Variants in RAB27B observed in about 807,000 individuals in gnomAD.
RAB27B encodes ras-related protein Rab-27B.
In RAB27B, 15 loss-of-function variants were observed where a neutral mutation model predicts 24.6. That is an observed-to-expected ratio of 0.61 (90% CI 0.41 to 0.94). RAB27B has a LOEUF of 0.94. Ranked by LOEUF, RAB27B falls within the 40% of genes least tolerant of loss-of-function variation. RAB27B has a pLI of 0.00. For synonymous variants in RAB27B, 105 were observed against 92.5 expected (o/e 1.14, Z -0.78); for missense variants, 261 against 266.8 (o/e 0.98, Z 0.15).
At chr18:54,790,950 A>G (rs1909228629) in intron 2 of RAB27B, among the ~76,000 whole-genome samples, 2 of 152,208 alleles carry the variant, frequency 1.3e-5, no homozygotes, top group Non-Finnish European at 2.9e-5. Flanking sequence ...TTTTCTAAAT[A>G]CAAATTTCAT....
chr18:54,727,887 T>A (rs1337832311), intron 2 of RAB27B, among the ~76,000 whole-genome samples: 1 of 152,162 alleles, frequency 6.6e-6, no homozygotes, highest in Non-Finnish European at 1.5e-5. Flanking sequence ...TTGCTTCATA[T>A]GTGGAATATT....
At chr18:54,830,329 G>A (rs1444296244) in intron 1 of RAB27B, among the ~76,000 whole-genome samples, 4 of 152,170 alleles carry the variant, frequency 2.6e-5, no homozygotes, top group African/African-American at 9.7e-5. Flanking sequence ...ATAGAAACCT[G>A]CTCTTTTCCC....
At chr18:54,755,572 C>T (rs1243019030) in intron 2 of RAB27B, among the ~76,000 whole-genome samples, 1 of 152,058 alleles carries the variant, frequency 6.6e-6, no homozygotes, top group Admixed American at 6.6e-5. Context: ...GGTGATTTCC[C>T]CTTCCAGGCA....
upstream of RAB27B, among the ~76,000 whole-genome samples, chr18:54,827,353 G>A (rs558365003): frequency 1.3e-3 from 192 of 152,274 alleles, 5 homozygotes; most frequent in South Asian, 0.034. Context: ...ATAACACTAT[G>A]AAGACATTAT....
intron 2 of RAB27B, among the ~76,000 whole-genome samples, chr18:54,747,296 T>C (rs991138523): frequency 6.6e-6 from 1 of 152,172 alleles, no homozygotes; most frequent in East Asian, 1.9e-4. Flanking sequence ...AATGTCTCAC[T>C]CTCCATATTA....
chr18:54,846,310 A>G (rs1166995550), intron 1 of RAB27B, among the ~76,000 whole-genome samples: 2 of 152,236 alleles, frequency 1.3e-5, no homozygotes, highest in African/African-American at 2.4e-5. Context: ...TGCTCAGTTG[A>G]TGAAAATACT....
intron 1 of RAB27B, among the ~76,000 whole-genome samples, chr18:54,873,761 TGA>T (rs550255618): frequency 4.0e-4 from 51 of 126,242 alleles, no homozygotes; most frequent in Non-Finnish European, 8.1e-4. Context: ...ATAGACAGAG[TGA>T]GAGAGAGAGG....
chr18:54,812,401 T>A (rs1909990872), intron 2 of RAB27B, among the ~76,000 whole-genome samples: 1 of 152,184 alleles, frequency 6.6e-6, no homozygotes, highest in Non-Finnish European at 1.5e-5. Flanking sequence ...GTTTTACGAG[T>A]AAAGAAATTT....
At chr18:54,806,736 C>T (rs1909802635) in intron 2 of RAB27B, among the ~76,000 whole-genome samples, 1 of 151,490 alleles carries the variant, frequency 6.6e-6, no homozygotes, top group Non-Finnish European at 1.5e-5. Context: ...GAGTCATTAA[C>T]ACCATATTTA....
chr18:54,883,586 G>A (rs1598993458), intron 3 of RAB27B, among the ~76,000 whole-genome samples: 1 of 152,088 alleles, frequency 6.6e-6, no homozygotes, highest in East Asian at 1.9e-4. Context: ...GGTGGTGGCT[G>A]GGGTCGGGGG....
At chr18:54,887,066 C>T (rs1426128766) in intron 4 of RAB27B, among the ~76,000 whole-genome samples, 2 of 134,612 alleles carry the variant, frequency 1.5e-5, no homozygotes, top group Non-Finnish European at 3.2e-5. Flanking sequence ...CTCCCTCCCT[C>T]CCTCCTCTTT....
chr18:54,814,192 CA>C (rs1208600993), intron 2 of RAB27B, among the ~76,000 whole-genome samples: 1 of 152,162 alleles, frequency 6.6e-6, no homozygotes, highest in Non-Finnish European at 1.5e-5. Flanking sequence ...TGTAAAGGGC[CA>C]GATAATAAAT....
At chr18:54,859,651 G>A (rs971546342) in intron 1 of RAB27B, among the ~76,000 whole-genome samples, 1 of 152,162 alleles carries the variant, frequency 6.6e-6, no homozygotes, top group Admixed American at 6.5e-5. Context: ...CAGGAAAGGT[G>A]GTCATAGCTG....
At chr18:54,863,630 C>G (rs1427054907) in intron 1 of RAB27B, among the ~76,000 whole-genome samples, 1 of 152,152 alleles carries the variant, frequency 6.6e-6, no homozygotes, top group Non-Finnish European at 1.5e-5. Flanking sequence ...CACGTTCACC[C>G]TTCCCCACAG....
chr18:54,870,071 A>G (rs983010652), intron 1 of RAB27B, among the ~76,000 whole-genome samples: 3 of 152,182 alleles, frequency 2.0e-5, no homozygotes, highest in African/African-American at 7.2e-5. Flanking sequence ...TACATGAACT[A>G]TTTCAGAGCA....
intron 2 of RAB27B, among the ~76,000 whole-genome samples, chr18:54,816,657 A>G (rs1390985873): frequency 6.6e-6 from 1 of 152,178 alleles, no homozygotes; most frequent in Admixed American, 6.5e-5. Flanking sequence ...CGTGGTTCCA[A>G]GTGTTAAAAT....
Position 54,850,366 on chromosome 18 carries a change from AT to A in RAB27B, c.-20+21667del, listed in dbSNP as rs1190881335. Among the ~76,000 whole-genome samples the A allele has an allele frequency of 1.3e-3, 182 of 144,376 alleles. 2 individuals are homozygous for A. Among genetic ancestry groups the A allele is most frequent in the African/African-American group, 4.3e-3 (169 of 39,060 alleles). 94.7% of individuals were successfully genotyped at this position (144,376 alleles called of 152,430 possible). On this transcript the variant is annotated intron_variant, in intron 1 of 5. Coordinates refer to ENST00000262094, the MANE Select transcript of RAB27B (RefSeq NM_004163.4). ...TATATATATATATATATATACATAC[AT>A]ACATATGTTTAGTTTTTTTCTTGAG...
At chr18:54,886,926 C>T (rs1913161029) in intron 4 of RAB27B, among the ~76,000 whole-genome samples, 1 of 151,724 alleles carries the variant, frequency 6.6e-6, no homozygotes, top group African/African-American at 2.4e-5. Context: ...ACCTCAAAAA[C>T]ACAGCTTGAC....
At chr18:54,815,088 T>C (rs1910081565) in intron 2 of RAB27B, among the ~76,000 whole-genome samples, 1 of 152,200 alleles carries the variant, frequency 6.6e-6, no homozygotes. Context: ...TTATGTGCCA[T>C]AGATATATCT....
Sources: allele counts gnomAD v4.1 joint callset (sites outside exome capture counted in the v4.1 genomes callset), GRCh38; gene constraint gnomAD v4.1.1; transcripts MANE v1.5; gene names NCBI Gene and HGNC (gene_info 2026-07-23, HGNC 2026-07-21).